The following TJP3 variants were observed in gnomAD, a reference collection of about 807,000 sequenced individuals.
The protein encoded by TJP3 is tight junction protein ZO-3.
Under a neutral mutation model 104.2 loss-of-function variants are expected in TJP3, and 85 were observed. That is an observed-to-expected ratio of 0.82 (90% CI 0.68 to 0.98). The LOEUF (loss-of-function observed/expected upper bound fraction) is 0.98. Ranked by LOEUF, TJP3 falls within the 50% of genes least tolerant of loss-of-function variation. TJP3 has a pLI of 0.00. For missense variants in TJP3, 1,367 were observed against 1,322.8 expected (o/e 1.03, Z -0.52); for synonymous variants, 550 against 550.6 (o/e 1.00, Z 0.02).
chr19:3,729,972 G>A (rs560983105), intron 3 of TJP3, 56 bp from the exon 4 acceptor site: 1 of 1,492,378 alleles, frequency 6.7e-7, no homozygotes, highest in South Asian at 1.1e-5. Context: ...GGGAGGGCTT[G>A]TTACGAGGGT....
At chr19:3,742,497 TA>T (rs1249312028) in intron 14 of TJP3, among the ~76,000 whole-genome samples, 1 of 150,098 alleles carries the variant, frequency 6.7e-6, no homozygotes, top group Non-Finnish European at 1.5e-5. Flanking sequence ...GACAGGGGGT[TA>T]AAAACCCAGG....
intron 14 of TJP3, 26 bp from the exon 15 acceptor site, chr19:3,743,913 T>G (rs2145701164): frequency 6.2e-7 from 1 of 1,610,690 alleles, no homozygotes; most frequent in Non-Finnish European, 8.5e-7. Flanking sequence ...GGACCCTGAT[T>G]CTTTCACTGT....
intron 12 of TJP3, 68 bp from the exon 13 acceptor site, chr19:3,738,829 T>C (rs1455968521): frequency 4.8e-6 from 7 of 1,450,906 alleles, no homozygotes; most frequent in Non-Finnish European, 6.6e-6. Context: ...CCAGGCCCAC[T>C]CTCGGGTGGG....
chr19:3,749,791 A>G (rs2036965908), intron 19 of TJP3: 1 of 338,192 alleles, frequency 3.0e-6, no homozygotes, highest in Non-Finnish European at 5.4e-6. Context: ...GGGGTTGTGC[A>G]GTACCCAACC....
At chr19:3,715,630 G>A (rs1238430498) in intron 1 of TJP3, among the ~76,000 whole-genome samples, 1 of 152,114 alleles carries the variant, frequency 6.6e-6, no homozygotes, top group Non-Finnish European at 1.5e-5. Flanking sequence ...GTTGACAGTG[G>A]GATTTCTCTG....
At chr19:3,740,196 C>T (rs900328438) in intron 13 of TJP3, among the ~76,000 whole-genome samples, 2 of 151,632 alleles carry the variant, frequency 1.3e-5, no homozygotes, top group African/African-American at 4.9e-5. Context: ...TGCACCGCTG[C>T]ACTCCAACCT....
At chr19:3,735,301 G>A (rs912618868) in intron 8 of TJP3, among the ~76,000 whole-genome samples, 2 of 152,130 alleles carry the variant, frequency 1.3e-5, no homozygotes, top group Non-Finnish European at 2.9e-5. Context: ...CCGGGTTCAA[G>A]CAATTCTCCT....
At chr19:3,741,427 A>T (rs1182822709) in intron 14 of TJP3, among the ~76,000 whole-genome samples, 1 of 152,112 alleles carries the variant, frequency 6.6e-6, no homozygotes, top group African/African-American at 2.4e-5. Flanking sequence ...CTATGATCGC[A>T]CCAGCCTGGC....
Position 3,730,611 on chromosome 19 carries a change from G to A in TJP3, c.518G>A (p.Gly173Glu). The change falls in exon 5 of 21, where the codon GGG becomes GAG. Residue 173 changes from glycine (G) to glutamate (E), a missense_variant. By Grantham distance (98) the Gly-to-Glu change is moderately conservative. Transcript: ENST00000541714. The surrounding 1 kb of genome is among the most constrained non-coding windows in gnomAD (Gnocchi z 7.3). ...CCAGGTGGTGGCTCTGAGGCCAACGGGCTGGCCCTGGTGTCCGGCTTTAAG... is the reference window on the plus strand; with the variant it reads ...CCAGGTGGTGGCTCTGAGGCCAACGAGCTGGCCCTGGTGTCCGGCTTTAAG... Reference protein sequence around the residue: ...RSPGGGSEANGLALVSGFKRL... With the variant: ...RSPGGGSEANELALVSGFKRL... 1 of 1,611,708 alleles carries A rather than the reference G, an allele frequency of 6.2e-7. No individual in the cohort carries two copies. Among genetic ancestry groups the A allele is most frequent in the South Asian group, 1.1e-5 (1 of 91,080 alleles).
chr19:3,734,817 G>A (rs954843015), intron 8 of TJP3, among the ~76,000 whole-genome samples: 3 of 152,166 alleles, frequency 2.0e-5, no homozygotes, highest in Middle Eastern at 3.2e-3. Flanking sequence ...AGCCCGGCGT[G>A]GTGCCGGGTG....
intron 8 of TJP3, among the ~76,000 whole-genome samples, chr19:3,734,877 C>T (rs974952197): frequency 1.3e-5 from 2 of 152,124 alleles, no homozygotes; most frequent in Non-Finnish European, 2.9e-5. Context: ...TCACTTGAAC[C>T]CAGGAAATGG....
intron 7 of TJP3, 152 bp from the exon 8 acceptor site, chr19:3,734,175 C>T: frequency 2.2e-6 from 2 of 927,582 alleles, no homozygotes; most frequent in Non-Finnish European, 3.2e-6. Context: ...GCGTGAGCCA[C>T]CGTGCCCAGC....
rs1268270122 is a variant in TJP3, at chr19:3,712,695, T to A, written c.-10+4134T>A. ...ATGGCTTGGTGGCTCCCGCCTGGAA[T>A]CCCAACATTTTGGGAGGCCGAGGTG... On this transcript the variant is annotated intron_variant, in intron 1 of 20. Coordinates refer to ENST00000541714, the MANE Select transcript of TJP3 (RefSeq NM_001267560.2). Among the ~76,000 whole-genome samples the A allele has an allele frequency of 3.9e-5, 6 of 152,140 alleles. No homozygotes were observed. In the East Asian group the frequency reaches 1.2e-3, roughly 29 times the overall value.
At chr19:3,719,690 C>A (rs533357291) in intron 1 of TJP3, among the ~76,000 whole-genome samples, 2 of 136,880 alleles carry the variant, frequency 1.5e-5, no homozygotes, top group South Asian at 2.3e-4. Flanking sequence ...GAGCCGAGAT[C>A]GTGCCTGCAG....
intron 1 of TJP3, among the ~76,000 whole-genome samples, chr19:3,724,783 C>G (rs1482211901): frequency 6.6e-6 from 1 of 152,150 alleles, no homozygotes. Flanking sequence ...AAGCAATCCT[C>G]TTGCCTCGGT....
chr19:3,716,798 TATA>T (rs1294298313), intron 1 of TJP3, among the ~76,000 whole-genome samples: 4 of 62,198 alleles, frequency 6.4e-5, no homozygotes, highest in African/African-American at 1.0e-4. Flanking sequence ...TATATATATA[TATA>T]TTTTTTTTTT....
In TJP3 at chr19:3,748,305, T is replaced by C. The variant is rs1289255603; in HGVS notation, c.2610+224T>C. On this transcript the variant is annotated intron_variant, in intron 19 of 20. Coordinates refer to ENST00000541714, the MANE Select transcript of TJP3 (RefSeq NM_001267560.2). ...TTTTTTTTTTGAGACGCAGTCTTGC[T>C]CTGTCGCCTAGGCTGGAGTGCAATG... 2.3e-4 allele frequency among the ~76,000 whole-genome samples: 34 copies of C among 145,384 alleles called. 1 individual carries two copies. In the Admixed American group the frequency reaches 2.4e-3, roughly 10 times the overall value.
intron 19 of TJP3, chr19:3,749,699 C>T (rs1568390137): frequency 1.1e-5 from 2 of 185,000 alleles, no homozygotes; most frequent in Non-Finnish European, 2.2e-5. Flanking sequence ...GTGTATATGC[C>T]TCAGCATCTT....
chr19:3,710,015 G>A (rs1180102097), intron 1 of TJP3, among the ~76,000 whole-genome samples: 1 of 152,022 alleles, frequency 6.6e-6, no homozygotes, highest in East Asian at 1.9e-4. Context: ...CGAATATGGT[G>A]GCAAGCACTT....
Sources: gnomAD v4.1 joint callset for allele counts (sites outside exome capture counted in the v4.1 genomes callset) on GRCh38, gnomAD v4.1.1 for gene constraint, Gnocchi (gnomAD v3.1) non-coding constraint, MANE v1.5 for transcripts, NCBI Gene and HGNC (gene_info 2026-07-23, HGNC 2026-07-21) for gene names.